LRP1B: variants seen among roughly 807,000 people sequenced by gnomAD.
LRP1B encodes the protein LDL receptor related protein 1B.
A neutral mutation model predicts 556.6 loss-of-function variants in LRP1B; 217 were observed. That is an observed-to-expected ratio of 0.39 (90% CI 0.35 to 0.44). LRP1B has a LOEUF of 0.44. Ranked by LOEUF, LRP1B falls within the 20% of genes least tolerant of loss-of-function variation. The pLI is 1.00. For synonymous variants in LRP1B, 2,047 were observed against 1,865.8 expected (o/e 1.10, Z -2.50); for missense variants, 5,053 against 5,620.8 (o/e 0.90, Z 3.23).
At chr2:140,484,681 T>A (rs1463209127) in intron 59 of LRP1B, among the ~76,000 whole-genome samples, 2 of 152,284 alleles carry the variant, frequency 1.3e-5, no homozygotes, top group East Asian at 3.9e-4. Flanking sequence ...TGAATTATAA[T>A]GGTCATAATC....
chr2:141,062,014 T>C, intron 8 of LRP1B, 37 bp downstream of exon 8: 2 of 1,548,788 alleles, frequency 1.3e-6, no homozygotes, highest in Non-Finnish European at 1.8e-6. Flanking sequence ...TTTCTTTTTA[T>C]TACCCTAGGA....
Position 141,926,093 on chromosome 2 carries a change from T to G in LRP1B, c.83-115692A>C, listed in dbSNP as rs539839836. Among the ~76,000 whole-genome samples, 21 of 152,326 alleles carry G rather than the reference T, an allele frequency of 1.4e-4. 1 individual carries two copies. The South Asian group carries it at 4.1e-3, about 30-fold the overall frequency. On this transcript the variant is annotated intron_variant, in intron 1 of 90. Coordinates refer to ENST00000389484, the MANE Select transcript of LRP1B (RefSeq NM_018557.3). The stretch of plus-strand genomic sequence containing the variant: ...GATGTCATCTTGATATACAAAATAA[T>G]CAACATGTAAATAATTTCTCTTCTC...
chr2:141,685,656 A>G (rs1006044833), intron 2 of LRP1B, among the ~76,000 whole-genome samples: 3 of 152,096 alleles, frequency 2.0e-5, no homozygotes, highest in Admixed American at 2.0e-4. Context: ...GGATGTAGAA[A>G]GGTCAGGCAA....
At chr2:140,327,312 A>AAT (rs1419092531) in intron 79 of LRP1B, among the ~76,000 whole-genome samples, 6 of 152,130 alleles carry the variant, frequency 3.9e-5, no homozygotes, top group African/African-American at 1.4e-4. Context: ...GTTAAATACA[A>AAT]ATATTTAGCT....
At chr2:141,470,740 G>A (rs1251092351) in intron 3 of LRP1B, among the ~76,000 whole-genome samples, 2 of 152,108 alleles carry the variant, frequency 1.3e-5, no homozygotes, top group South Asian at 2.1e-4. Flanking sequence ...TGAATCATAC[G>A]GGATTTGGCC....
chr2:141,829,877 T>A (rs1574407304), intron 1 of LRP1B, among the ~76,000 whole-genome samples: 1 of 152,104 alleles, frequency 6.6e-6, no homozygotes, highest in East Asian at 1.9e-4. Context: ...CCCAGTTTGA[T>A]TGCAGACATT....
chr2:140,494,243 T>A (rs79179609), intron 56 of LRP1B, among the ~76,000 whole-genome samples: 6,153 of 152,174 alleles, frequency 0.04, 173 homozygotes, highest in Non-Finnish European at 0.047. Flanking sequence ...TTACTATTCA[T>A]CTCCTCTACA....
At chr2:141,021,133 G>A (rs1525599) in intron 11 of LRP1B, among the ~76,000 whole-genome samples, 21,165 of 151,934 alleles carry the variant, frequency 0.14, 1,611 homozygotes, top group East Asian at 0.23. Context: ...ACTGGACAAA[G>A]GCAATAGGTA....
At chr2:140,734,490 T>C (rs1687881168) in intron 35 of LRP1B, among the ~76,000 whole-genome samples, 2 of 152,086 alleles carry the variant, frequency 1.3e-5, no homozygotes, top group Non-Finnish European at 2.9e-5. Flanking sequence ...CACTGAGAAT[T>C]TAGGATTTTA....
intron 43 of LRP1B, among the ~76,000 whole-genome samples, chr2:140,546,034 GTC>G (rs1491077977): frequency 6.5e-4 from 98 of 150,414 alleles, no homozygotes; most frequent in Non-Finnish European, 8.3e-4. Flanking sequence ...GTGTGTGTGT[GTC>G]TGTTGCAATT....
At chr2:141,241,705 A>G (rs1027001423) in intron 5 of LRP1B, among the ~76,000 whole-genome samples, 5 of 152,090 alleles carry the variant, frequency 3.3e-5, no homozygotes, top group Admixed American at 6.6e-5. Flanking sequence ...TGCTTCAGGC[A>G]TTGAGCTACT....
At chr2:140,734,422 G>A (rs542409163) in intron 35 of LRP1B, among the ~76,000 whole-genome samples, 5 of 152,076 alleles carry the variant, frequency 3.3e-5, no homozygotes, top group African/African-American at 1.2e-4. Flanking sequence ...GAGGTTGGAG[G>A]GATGAATTGA....
chr2:140,334,159 T>G (rs897804857), intron 79 of LRP1B, among the ~76,000 whole-genome samples: 1 of 152,042 alleles, frequency 6.6e-6, no homozygotes, highest in African/African-American at 2.4e-5. Context: ...AATACCCTAA[T>G]GTATATGTAT....
chr2:141,186,818 A>G (rs1016257005), intron 7 of LRP1B, among the ~76,000 whole-genome samples: 21 of 152,082 alleles, frequency 1.4e-4, no homozygotes, highest in African/African-American at 5.1e-4. Flanking sequence ...TGTTGTTCAG[A>G]AAGAGAGATG....
intron 23 of LRP1B, among the ~76,000 whole-genome samples, chr2:140,900,396 T>G (rs551889576): frequency 6.6e-6 from 1 of 152,238 alleles, no homozygotes; most frequent in Admixed American, 6.5e-5. Context: ...GAAATGACTA[T>G]TACCATTACA....
chr2:140,442,050 C>G (rs946733429), intron 66 of LRP1B, among the ~76,000 whole-genome samples: 1 of 151,942 alleles, frequency 6.6e-6, no homozygotes, highest in Admixed American at 6.6e-5. Context: ...TAATATGGAA[C>G]AGATGCTTTT....
chr2:140,243,075 T>C (rs1032938780), intron 87 of LRP1B, among the ~76,000 whole-genome samples: 3 of 150,898 alleles, frequency 2.0e-5, no homozygotes, highest in Non-Finnish European at 4.5e-5. Flanking sequence ...AAATAAGGTA[T>C]ATGAAAATGA....
At chr2:141,184,335 G>C (rs943203928) in intron 7 of LRP1B, among the ~76,000 whole-genome samples, 1 of 151,912 alleles carries the variant, frequency 6.6e-6, no homozygotes, top group African/African-American at 2.4e-5. Flanking sequence ...TGAGAAAACA[G>C]CAGAAGCAGA....
At chr2:141,938,559 A>G (rs895162594) in intron 1 of LRP1B, among the ~76,000 whole-genome samples, 12 of 152,184 alleles carry the variant, frequency 7.9e-5, no homozygotes, top group Admixed American at 2.0e-4. Flanking sequence ...AAATAGAACT[A>G]ACATACAATC....
Sources: allele counts gnomAD v4.1 joint callset (sites outside exome capture counted in the v4.1 genomes callset), GRCh38; gene constraint gnomAD v4.1.1; transcripts MANE v1.5; gene names NCBI Gene and HGNC (gene_info 2026-07-23, HGNC 2026-07-21).